Variants in PTPN4 observed in about 807,000 individuals in gnomAD.
The protein encoded by PTPN4 is protein tyrosine phosphatase non-receptor type 4.
PTPN4 carries 49 observed loss-of-function variants against 135.5 expected under a neutral mutation model. The ratio of observed to expected loss-of-function variants is 0.36; its 90% confidence interval spans 0.29 to 0.46. The LOEUF (loss-of-function observed/expected upper bound fraction) is 0.46, where lower values mean the gene tolerates loss of function less well. Ranked by LOEUF, PTPN4 falls within the 20% of genes least tolerant of loss-of-function variation. The pLI, the probability that PTPN4 is intolerant of heterozygous loss-of-function variation, is 1.00. For missense variants in PTPN4, 860 were observed against 1,101.0 expected (o/e 0.78, Z 3.10); for synonymous variants, 333 against 369.9 (o/e 0.90, Z 1.14).
intron 18 of PTPN4, among the ~76,000 whole-genome samples, chr2:119,950,115 C>G (rs1679190703): frequency 6.6e-6 from 1 of 152,118 alleles, no homozygotes; most frequent in Non-Finnish European, 1.5e-5. Context: ...TAGACCACCT[C>G]TTTTTTTCTG....
chr2:119,774,111 A>G (rs1487630611), intron 1 of PTPN4, among the ~76,000 whole-genome samples: 3 of 152,230 alleles, frequency 2.0e-5, no homozygotes, highest in African/African-American at 7.2e-5. Context: ...GCCTGTCACA[A>G]TAAAAAGTGA....
intron 22 of PTPN4, among the ~76,000 whole-genome samples, chr2:119,957,447 A>C (rs182326852): frequency 1.2e-3 from 180 of 152,170 alleles, no homozygotes; most frequent in African/African-American, 4.2e-3. Flanking sequence ...CTCATTATGA[A>C]AATCTAATGC....
intron 1 of PTPN4, among the ~76,000 whole-genome samples, chr2:119,789,271 G>T (rs1574334625): frequency 1.3e-5 from 2 of 152,004 alleles, no homozygotes; most frequent in East Asian, 3.9e-4. Context: ...TTTTAAATTG[G>T]ATTGTTTGGT....
chr2:119,947,738 A>G (rs1396622102), intron 18 of PTPN4, among the ~76,000 whole-genome samples: 1 of 147,866 alleles, frequency 6.8e-6, no homozygotes, highest in Admixed American at 6.9e-5. Flanking sequence ...TAGCAGCTTC[A>G]AGCAGAGTTT....
At chr2:119,814,026 G>C (rs540532100) in intron 2 of PTPN4, among the ~76,000 whole-genome samples, 2 of 151,982 alleles carry the variant, frequency 1.3e-5, no homozygotes, top group Non-Finnish European at 2.9e-5. Flanking sequence ...AAATGTATAT[G>C]TGTGTGTATG....
intron 1 of PTPN4, chr2:119,791,083 C>G (rs1235868537): frequency 6.6e-6 from 1 of 150,540 alleles, no homozygotes; most frequent in South Asian, 2.1e-4. Flanking sequence ...GTTACAAACA[C>G]AAAATGTATT....
intron 14 of PTPN4, 75 bp from the exon 15 acceptor site, chr2:119,934,725 T>C: frequency 6.9e-7 from 1 of 1,443,820 alleles, no homozygotes; most frequent in Non-Finnish European, 9.6e-7. Context: ...CTTTCTGATG[T>C]AACCATATAT....
intron 2 of PTPN4, 90 bp downstream of exon 2, chr2:119,810,081 C>A: frequency 1.4e-6 from 2 of 1,382,266 alleles, no homozygotes; most frequent in Non-Finnish European, 1.9e-6. Context: ...AATTATAGTA[C>A]AGTTTGAAAA....
At chr2:119,927,160 C>G (rs1025700924) in intron 13 of PTPN4, among the ~76,000 whole-genome samples, 14 of 140,378 alleles carry the variant, frequency 1.0e-4, no homozygotes, top group African/African-American at 1.3e-4. Flanking sequence ...GTCATCCAGG[C>G]TGGAGTGCAG....
intron 18 of PTPN4, among the ~76,000 whole-genome samples, 192 bp from the exon 19 acceptor site, chr2:119,951,781 C>G (rs1434119334): frequency 6.6e-6 from 1 of 152,104 alleles, no homozygotes; most frequent in Admixed American, 6.6e-5. Context: ...GAAATTGTTG[C>G]ATGAAGAAGG....
chr2:119,835,083 C>T (rs1308818189), intron 2 of PTPN4, among the ~76,000 whole-genome samples: 4 of 152,172 alleles, frequency 2.6e-5, no homozygotes, highest in Admixed American at 1.3e-4. Context: ...TATAAAGGAG[C>T]TCAGGGCAGA....
At chr2:119,910,748 A>C (rs548566642) in intron 10 of PTPN4, among the ~76,000 whole-genome samples, 13 of 152,220 alleles carry the variant, frequency 8.5e-5, no homozygotes, top group Middle Eastern at 3.4e-3. Context: ...CTGCCTTGTG[A>C]ATAAAGTACC....
chr2:119,982,173 CAT>C lies in PTPN4; in HGVS notation c.*5105_*5106del, dbSNP rs891190155. ...AAATGTTTGAAAGCCTTGTTAAGCT[CAT>C]AAAAGTTTCATTTAAACACTGTAGA... On this transcript the variant is annotated 3_prime_UTR_variant, in exon 27 of 27. Coordinates refer to ENST00000263708, the MANE Select transcript of PTPN4 (RefSeq NM_002830.4). 5.9e-5 allele frequency: 9 copies of C among 152,256 alleles called. No individual in the cohort carries two copies. The highest frequency in any genetic ancestry group is 1.9e-4 in the African/African-American group (8 of 41,558). 9.4% of individuals were successfully genotyped at this position (152,256 alleles called of 1,614,324 possible).
chr2:119,917,951 A>G (rs1678680577), intron 11 of PTPN4, among the ~76,000 whole-genome samples: 1 of 152,220 alleles, frequency 6.6e-6, no homozygotes, highest in South Asian at 2.1e-4. Context: ...TATGGAAATT[A>G]CTTATAGACT....
At chr2:119,947,840 C>T (rs1002028048) in intron 18 of PTPN4, among the ~76,000 whole-genome samples, 4 of 151,458 alleles carry the variant, frequency 2.6e-5, no homozygotes, top group Non-Finnish European at 4.4e-5. Flanking sequence ...TGTGTAACTA[C>T]CTACTGCTAT....
intron 8 of PTPN4, among the ~76,000 whole-genome samples, chr2:119,884,267 C>A (rs1678123020): frequency 6.6e-6 from 1 of 152,148 alleles, no homozygotes. Context: ...TGCAGAAAAT[C>A]AAAAGAAGAA....
intron 1 of PTPN4, among the ~76,000 whole-genome samples, chr2:119,793,138 A>G (rs1182983464): frequency 1.3e-5 from 2 of 152,208 alleles, no homozygotes; most frequent in Non-Finnish European, 2.9e-5. Context: ...GGGACGCTGC[A>G]GGAGACCAGG....
chr2:119,868,727 G>T (rs865982893), intron 3 of PTPN4, among the ~76,000 whole-genome samples: 1 of 152,062 alleles, frequency 6.6e-6, no homozygotes, highest in Non-Finnish European at 1.5e-5. Context: ...CCTTTAATTC[G>T]GCCCATCCCT....
At chr2:119,881,109 C>T (rs1678071359) in intron 5 of PTPN4, among the ~76,000 whole-genome samples, 1 of 152,148 alleles carries the variant, frequency 6.6e-6, no homozygotes, top group East Asian at 1.9e-4. Context: ...TACCCACTAG[C>T]AGAGACCAAA....
Sources: allele counts gnomAD v4.1 joint callset (sites outside exome capture counted in the v4.1 genomes callset), GRCh38; gene constraint gnomAD v4.1.1; transcripts MANE v1.5; gene names NCBI Gene and HGNC (gene_info 2026-07-23, HGNC 2026-07-21).